Variants in LINC00237 observed in about 807,000 individuals in gnomAD.
LINC00237 encodes long intergenic non-protein coding RNA 237.
intron 3 of LINC00237, among the ~76,000 whole-genome samples, chr20:21,086,687 A>ATGTATAGTATAC (rs1266105889): frequency 8.8e-6 from 1 of 113,706 alleles, no homozygotes; most frequent in East Asian, 2.5e-4. Context: ...TATACTACAT[A>ATGTATAGTATAC]TACATATGTA....
intron 1 of LINC00237, among the ~76,000 whole-genome samples, chr20:21,103,194 A>T (rs2030956133): frequency 6.6e-6 from 1 of 152,236 alleles, no homozygotes; most frequent in African/African-American, 2.4e-5. Flanking sequence ...GGCACACCGA[A>T]ATGCGTGTCT....
At position 21,088,251 on chromosome 20, in the gene LINC00237, T is replaced by C. The variant is rs917556937; in HGVS notation, n.473-221A>G. Among the ~76,000 whole-genome samples, 25 of 152,154 alleles carry C rather than the reference T, an allele frequency of 1.6e-4. 1 individual carries two copies. Among genetic ancestry groups the C allele is most frequent in the South Asian group, 4.1e-4 (2 of 4,832 alleles). On this transcript the variant is annotated intron_variant and non_coding_transcript_variant, in intron 2 of 3. Transcript: ENST00000691244. ...AGAAAGATAAAAAGAACCCGGGACA[T>C]TGATAGCATCATGGGGCCTGTTCTC...
intron 1 of LINC00237, among the ~76,000 whole-genome samples, chr20:21,102,807 C>T (rs529768907): frequency 6.6e-6 from 1 of 152,002 alleles, no homozygotes; most frequent in African/African-American, 2.4e-5. Context: ...GCAGCTCTGG[C>T]AGACTTCAAA....
chr20:21,099,755 T>C (rs1343979895), intron 1 of LINC00237, among the ~76,000 whole-genome samples: 1 of 152,152 alleles, frequency 6.6e-6, no homozygotes, highest in Non-Finnish European at 1.5e-5. Flanking sequence ...AAGAAGACAT[T>C]TGTCAGGGCG....
At chr20:21,096,429 G>A (rs776912384) in intron 1 of LINC00237, among the ~76,000 whole-genome samples, 1 of 152,176 alleles carries the variant, frequency 6.6e-6, no homozygotes, top group African/African-American at 2.4e-5. Context: ...CTACTTGCAT[G>A]CCACTGGCGA....
intron 1 of LINC00237, among the ~76,000 whole-genome samples, chr20:21,098,394 A>C (rs1440047743): frequency 6.6e-6 from 1 of 152,236 alleles, no homozygotes; most frequent in African/African-American, 2.4e-5. Flanking sequence ...GCAAGAAGAA[A>C]ATGTTGAAAA....
intron 1 of LINC00237, among the ~76,000 whole-genome samples, chr20:21,095,939 T>G (rs186376152): frequency 6.6e-6 from 1 of 152,242 alleles, no homozygotes; most frequent in South Asian, 2.1e-4. Context: ...AGCTCAAGTA[T>G]GTGCTACATC....
intron 1 of LINC00237, chr20:21,093,875 T>G (rs1388887954): frequency 6.6e-6 from 1 of 152,258 alleles, no homozygotes; most frequent in African/African-American, 2.4e-5. Flanking sequence ...GAGAAACACT[T>G]GCTCTTATCA....
At chr20:21,085,656 C>T (rs2030681500) in exon 4 of LINC00237, among the ~76,000 whole-genome samples, 1 of 152,112 alleles carries the variant, frequency 6.6e-6, no homozygotes, top group Non-Finnish European at 1.5e-5. Context: ...GTGTGGTTAT[C>T]TTTGGGAGGC....
chr20:21,096,839 A>AT (rs1360113879), intron 1 of LINC00237, among the ~76,000 whole-genome samples: 1 of 152,228 alleles, frequency 6.6e-6, no homozygotes, highest in Admixed American at 6.5e-5. Flanking sequence ...AGCAAATAGC[A>AT]TAAGGCCCTA....
chr20:21,087,198 C>A (rs2030724448), intron 3 of LINC00237, among the ~76,000 whole-genome samples: 1 of 151,450 alleles, frequency 6.6e-6, no homozygotes, highest in South Asian at 2.1e-4. Flanking sequence ...AAAAATTTGA[C>A]ATCATTCTCT....
At chr20:21,089,678 C>G (rs914208926) in intron 2 of LINC00237, 2 of 152,298 alleles carry the variant, frequency 1.3e-5, no homozygotes, top group Non-Finnish European at 2.9e-5. Context: ...ATACAGCAAA[C>G]AATGTCCAAT....
chr20:21,086,513 C>A (rs895025701), intron 3 of LINC00237, among the ~76,000 whole-genome samples: 1 of 143,008 alleles, frequency 7.0e-6, no homozygotes, highest in Non-Finnish European at 1.5e-5. Context: ...AGATACATAT[C>A]TATATAGATA....
chr20:21,103,673 G>A (rs1464699624), intron 1 of LINC00237, among the ~76,000 whole-genome samples: 1 of 152,166 alleles, frequency 6.6e-6, no homozygotes, highest in African/African-American at 2.4e-5. Flanking sequence ...ACCCGATCTT[G>A]GCCTAAATGG....
chr20:21,106,264 CACTGACCTTGGGAAGGCGCAG>C (rs1045213149), intron 1 of LINC00237: 10 of 152,856 alleles, frequency 6.5e-5, no homozygotes, highest in Non-Finnish European at 5.8e-5. Flanking sequence ...TCTCCAGACC[CACTGACCTTGGGAAGGCGCAG>C]ACCCACCGCT....
chr20:21,101,428 T>C lies in LINC00237; in HGVS notation n.88+4843A>G, dbSNP rs2030930032. 6.6e-6 allele frequency: 1 copy of C among 151,922 alleles called. No individual in the cohort carries two copies. The highest frequency in any genetic ancestry group is 2.4e-5 in the African/African-American group (1 of 41,286). The allele number at this position is 151,922 out of a possible 1,614,324, so 9.4% of individuals were successfully genotyped here. The stretch of plus-strand genomic sequence containing the variant: ...TCAAGACTTCACCCAGCGCTGGAGG[T>C]CGACCTTAATTTAGAGCGCTGCCCC... On this transcript the variant is annotated intron_variant and non_coding_transcript_variant, in intron 1 of 3. Transcript: ENST00000691244. The surrounding 1 kb of genome is among the most constrained non-coding windows in gnomAD (Gnocchi z 4.3).
chr20:21,096,921 C>G (rs2030865802), intron 1 of LINC00237, among the ~76,000 whole-genome samples: 1 of 152,196 alleles, frequency 6.6e-6, no homozygotes, highest in Non-Finnish European at 1.5e-5. Flanking sequence ...TTAGATGCAC[C>G]TGTTACTTTA....
chr20:21,097,520 T>C (rs2030876426), intron 1 of LINC00237, among the ~76,000 whole-genome samples: 1 of 152,242 alleles, frequency 6.6e-6, no homozygotes, highest in African/African-American at 2.4e-5. Context: ...AAATCGTTAT[T>C]CTGCCTTAAC....
chr20:21,104,677 A>C (rs1189153192), intron 1 of LINC00237, among the ~76,000 whole-genome samples: 2 of 152,114 alleles, frequency 1.3e-5, no homozygotes, highest in Admixed American at 1.3e-4. Flanking sequence ...GTGTGTTCCA[A>C]ATATCCTGGA....
Sources: gnomAD v4.1 joint callset for allele counts (sites outside exome capture counted in the v4.1 genomes callset) on GRCh38, gnomAD v4.1.1 for gene constraint, Gnocchi (gnomAD v3.1) non-coding constraint, MANE v1.5 for transcripts, NCBI Gene and HGNC (gene_info 2026-07-23, HGNC 2026-07-21) for gene names.